APBB2: variants seen among roughly 807,000 people sequenced by gnomAD.
APBB2 encodes amyloid beta precursor protein binding family B member 2.
In APBB2, 38 loss-of-function variants were observed where a neutral mutation model predicts 82.5. The observed-to-expected ratio is 0.46, with a 90% CI of 0.36 to 0.60. The LOEUF (loss-of-function observed/expected upper bound fraction) is 0.60. Ranked by LOEUF, APBB2 falls within the 20% of genes least tolerant of loss-of-function variation. The pLI, the probability that APBB2 is intolerant of heterozygous loss-of-function variation, is 0.00. For missense variants in APBB2, 772 were observed against 972.3 expected (o/e 0.79, Z 2.74); for synonymous variants, 341 against 368.2 (o/e 0.93, Z 0.85).
intron 10 of APBB2, among the ~76,000 whole-genome samples, chr4:40,896,863 A>G (rs1032827854): frequency 8.5e-5 from 13 of 152,182 alleles, no homozygotes; most frequent in Non-Finnish European, 1.5e-4. Context: ...GGTACTGTGG[A>G]AATGGGGTTC....
chr4:40,931,655 T>C (rs562463119), intron 10 of APBB2, among the ~76,000 whole-genome samples: 1 of 152,302 alleles, frequency 6.6e-6, no homozygotes, highest in South Asian at 2.1e-4. Flanking sequence ...AAACCCCACC[T>C]GCAGGTCCAT....
chr4:41,175,672 A>G (rs1769570479), intron 1 of APBB2, among the ~76,000 whole-genome samples: 1 of 152,170 alleles, frequency 6.6e-6, no homozygotes, highest in African/African-American at 2.4e-5. Context: ...AGAGAAATGA[A>G]TGTTTTTTAA....
At chr4:41,153,530 G>A (rs962507088) in intron 1 of APBB2, among the ~76,000 whole-genome samples, 11 of 152,238 alleles carry the variant, frequency 7.2e-5, no homozygotes, top group South Asian at 4.1e-4. Flanking sequence ...CAACAAGTCC[G>A]GAAATCTTAC....
At chr4:41,122,694 C>T (rs1753207313) in intron 2 of APBB2, among the ~76,000 whole-genome samples, 1 of 152,156 alleles carries the variant, frequency 6.6e-6, no homozygotes, top group African/African-American at 2.4e-5. Context: ...CACAAAATGC[C>T]ATTATCTGCA....
intron 1 of APBB2, among the ~76,000 whole-genome samples, chr4:41,144,610 A>G (rs1198615754): frequency 6.6e-6 from 1 of 152,262 alleles, no homozygotes; most frequent in African/African-American, 2.4e-5. Context: ...TAACAAATGA[A>G]GAAGTATTTA....
intron 3 of APBB2, among the ~76,000 whole-genome samples, chr4:41,069,041 G>A (rs569464717): frequency 2.3e-4 from 35 of 152,126 alleles, no homozygotes; most frequent in Middle Eastern, 3.4e-3. Flanking sequence ...TGATCTGCCC[G>A]CCTCGGCCTC....
intron 1 of APBB2, chr4:41,207,763 G>C (rs2154080301): frequency 6.6e-6 from 1 of 152,308 alleles, no homozygotes; most frequent in African/African-American, 2.4e-5. Flanking sequence ...CCACATGTTG[G>C]CCTGGCCTCC....
chr4:40,966,243 C>T lies in APBB2; in HGVS notation c.836-21170G>A, dbSNP rs1794621004. On this transcript the variant is annotated intron_variant, in intron 6 of 17. Transcript: ENST00000508593. Reference sequence around the variant, plus strand: ...TCACATGTGTACTATTTTCCTCACACTCCTTTGTATGCACGAACTGCTATG... The same window carrying T: ...TCACATGTGTACTATTTTCCTCACATTCCTTTGTATGCACGAACTGCTATG... 2.0e-5 allele frequency among the ~76,000 whole-genome samples: 3 copies of T among 152,312 alleles called. No individual in the cohort carries two copies. In the South Asian group the frequency reaches 6.2e-4, roughly 32 times the overall value.
At chr4:41,091,841 C>T (rs917627977) in intron 3 of APBB2, among the ~76,000 whole-genome samples, 2 of 152,110 alleles carry the variant, frequency 1.3e-5, no homozygotes, top group East Asian at 3.8e-4. Flanking sequence ...CAAAAAAATC[C>T]AACCAAATAC....
chr4:40,978,139 A>G (rs1797639156), intron 6 of APBB2, among the ~76,000 whole-genome samples: 1 of 152,216 alleles, frequency 6.6e-6, no homozygotes, highest in Non-Finnish European at 1.5e-5. Context: ...AGCATACTTG[A>G]CAACTGTCAA....
At chr4:40,847,087 G>T (rs754505991) in intron 12 of APBB2, among the ~76,000 whole-genome samples, 2 of 152,074 alleles carry the variant, frequency 1.3e-5, no homozygotes, top group Non-Finnish European at 2.9e-5. Flanking sequence ...TATAATGAAA[G>T]GATAACGTTA....
intron 12 of APBB2, 121 bp downstream of exon 12, chr4:40,890,243 T>C (rs1771576246): frequency 7.5e-7 from 1 of 1,339,844 alleles, no homozygotes; most frequent in Non-Finnish European, 9.9e-7. Context: ...ATTTTTCACA[T>C]TTCTATATAG....
chr4:40,990,361 A>G (rs1052000069), intron 6 of APBB2: 2 of 152,116 alleles, frequency 1.3e-5, no homozygotes, highest in African/African-American at 4.8e-5. Flanking sequence ...GTTGGACATC[A>G]GAAGAATATT....
At chr4:41,191,252 T>C (rs1774348175) in intron 1 of APBB2, among the ~76,000 whole-genome samples, 1 of 152,174 alleles carries the variant, frequency 6.6e-6, no homozygotes, top group African/African-American at 2.4e-5. Context: ...ATAAACAGCC[T>C]TCTCTCCCCC....
chr4:40,945,106 A>C, intron 6 of APBB2, 33 bp from the exon 7 acceptor site: 1 of 1,379,156 alleles, frequency 7.3e-7, no homozygotes. Flanking sequence ...GGGGGGAGAA[A>C]GAGAGAATTT....
intron 3 of APBB2, among the ~76,000 whole-genome samples, chr4:41,074,703 G>C (rs1033660675): frequency 6.6e-6 from 1 of 150,570 alleles, no homozygotes; most frequent in Non-Finnish European, 1.5e-5. Flanking sequence ...TCCGCCTCCC[G>C]GGTTCACGCC....
Position 41,127,151 on chromosome 4 carries a change from C to A in APBB2, c.-261+15836G>T, listed in dbSNP as rs979124702. ...AAGGATACTACATTCTACAATGTCC[C>A]AATGACACCCTGATTTTGATTACAA... is the stretch of plus-strand genomic sequence containing the variant. On this transcript the variant is annotated intron_variant, in intron 2 of 17. Transcript: ENST00000508593. This position sits in a 1 kb window ranked among gnomAD's most constrained non-coding sequence, Gnocchi z 4.8. Among the ~76,000 whole-genome samples, 6 of 151,852 alleles carry A rather than the reference C, an allele frequency of 4.0e-5. No homozygotes were observed. The highest frequency in any genetic ancestry group is 1.5e-4 in the African/African-American group (6 of 41,350).
chr4:41,132,695 A>T (rs906427818), intron 2 of APBB2, among the ~76,000 whole-genome samples: 1 of 152,210 alleles, frequency 6.6e-6, no homozygotes, highest in Non-Finnish European at 1.5e-5. Context: ...TTTCAACTCA[A>T]TGTTTTAATT....
chr4:41,098,115 T>A (rs1436069980), intron 3 of APBB2, among the ~76,000 whole-genome samples: 1 of 152,144 alleles, frequency 6.6e-6, no homozygotes, highest in Admixed American at 6.6e-5. Context: ...TCTCTTTTTT[T>A]AACCTTAAGG....
Sources: gnomAD v4.1 joint callset for allele counts (sites outside exome capture counted in the v4.1 genomes callset) on GRCh38, gnomAD v4.1.1 for gene constraint, Gnocchi (gnomAD v3.1) non-coding constraint, MANE v1.5 for transcripts, NCBI Gene and HGNC (gene_info 2026-07-23, HGNC 2026-07-21) for gene names.